The following WDR41 variants were observed in gnomAD, a reference collection of about 807,000 sequenced individuals.
WDR41 encodes the protein WD repeat domain 41.
WDR41 carries 63 observed loss-of-function variants against 69.3 expected under a neutral mutation model. The ratio of observed to expected loss-of-function variants is 0.91; its 90% CI spans 0.74 to 1.12. The LOEUF is 1.12. Ranked by LOEUF, WDR41 falls within the 50% of genes most tolerant of loss-of-function variation. WDR41 has a pLI of 0.00. For missense variants in WDR41, 543 were observed against 534.5 expected, an observed-to-expected ratio of 1.02 and a Z score of -0.16; for synonymous variants, 185 against 192.1, an observed-to-expected ratio of 0.96 and a Z score of 0.31.
chr5:77,590,354 A>G lies in WDR41; in HGVS notation c.42+30125T>C, dbSNP rs1744114155. On this transcript the variant is annotated intron_variant, in intron 1 of 5. Transcript: ENST00000509971. ...CACATGACTGAGCATATAACACCCA[A>G]CAGGATGTAGAGGAAACACATCGGA... Among the ~76,000 whole-genome samples the G allele has an allele frequency of 2.0e-5, 3 of 152,310 alleles. No homozygotes were observed. In the South Asian group the frequency reaches 6.2e-4, roughly 32 times the overall value.
intron 1 of WDR41, among the ~76,000 whole-genome samples, chr5:77,521,530 C>CA (rs1802370481): frequency 6.6e-6 from 1 of 152,224 alleles, no homozygotes; most frequent in South Asian, 2.1e-4. Context: ...TACCAAAACT[C>CA]AAACATTAAT....
chr5:77,496,674 T>C (rs1334056655), upstream of WDR41, among the ~76,000 whole-genome samples: 1 of 152,098 alleles, frequency 6.6e-6, no homozygotes, highest in Non-Finnish European at 1.5e-5. Flanking sequence ...ATTGTTAAGA[T>C]ATAAATACTT....
rs564438202 is a variant in WDR41 at position 77,442,817 on chromosome 5, G to A, written c.698-1820C>T. On this transcript the variant is annotated intron_variant, in intron 8 of 12. Transcript: ENST00000296679. The stretch of plus-strand genomic sequence containing the variant: ...TGAGGCAGGAGAATGACGTGAACCC[G>A]GGAGGCGGAGCTTGCAGTAAGCCGA... Among the ~76,000 whole-genome samples, 661 of 138,894 alleles carry A rather than the reference G, an allele frequency of 4.8e-3. 8 individuals are homozygous for A. The highest frequency in any genetic ancestry group is 0.017 in the African/African-American group (633 of 36,346). The allele number at this position is 138,894 out of a possible 152,430, so 91.1% of individuals were successfully genotyped here.
intron 1 of WDR41, chr5:77,545,560 A>G (rs1488616875): frequency 7.4e-6 from 2 of 269,478 alleles, no homozygotes; most frequent in Non-Finnish European, 7.1e-6. Context: ...TTGGATGCCC[A>G]TCACCAAGCT....
intron 2 of WDR41, among the ~76,000 whole-genome samples, chr5:77,468,972 A>C (rs1800429946): frequency 6.6e-6 from 1 of 152,040 alleles, no homozygotes; most frequent in African/African-American, 2.4e-5. Context: ...TTGTTGAAAA[A>C]AGTTGTCTCT....
chr5:77,595,438 C>T (rs1744210241), intron 1 of WDR41, among the ~76,000 whole-genome samples: 2 of 152,150 alleles, frequency 1.3e-5, no homozygotes, highest in South Asian at 4.1e-4. Flanking sequence ...CTGTTCAAGA[C>T]CCTTGTTTCC....
intron 1 of WDR41, among the ~76,000 whole-genome samples, chr5:77,554,515 A>T (rs1358620173): frequency 6.6e-6 from 1 of 152,078 alleles, no homozygotes; most frequent in East Asian, 1.9e-4. Context: ...TTTCTAGGAG[A>T]CAGGCCCTCT....
intron 1 of WDR41, among the ~76,000 whole-genome samples, chr5:77,603,542 T>A (rs1172117692): frequency 3.3e-5 from 5 of 152,242 alleles, no homozygotes; most frequent in Non-Finnish European, 5.9e-5. Flanking sequence ...CACTGTTGAT[T>A]GTTTCTGTTG....
chr5:77,540,410 G>C (rs10076883), intron 1 of WDR41: 69,946 of 152,022 alleles, frequency 0.46, 16,445 homozygotes, highest in South Asian at 0.54. Context: ...CCCAAGTAAC[G>C]TAATGATCCT....
intron 1 of WDR41, among the ~76,000 whole-genome samples, chr5:77,576,088 C>A (rs1475111432): frequency 3.3e-5 from 5 of 152,166 alleles, no homozygotes; most frequent in Admixed American, 3.3e-4. Context: ...TGTTGTAATA[C>A]TTCATAGCAT....
At chr5:77,444,191 A>G (rs979523829) in intron 8 of WDR41, among the ~76,000 whole-genome samples, 2 of 152,050 alleles carry the variant, frequency 1.3e-5, no homozygotes, top group African/African-American at 4.8e-5. Flanking sequence ...ATCAGCACAT[A>G]TTTTTAAGCA....
chr5:77,616,047 T>A (rs1314801830), intron 1 of WDR41, among the ~76,000 whole-genome samples: 1 of 151,134 alleles, frequency 6.6e-6, no homozygotes, highest in East Asian at 1.9e-4. Flanking sequence ...ACTGCAAGTC[T>A]CCAAAGTAAA....
At chr5:77,582,721 C>T in intron 1 of WDR41, 1 of 1,591,344 alleles carries the variant, frequency 6.3e-7, no homozygotes, top group South Asian at 1.1e-5. Flanking sequence ...TCGCCTTCGT[C>T]AAATCTTCAA....
At chr5:77,469,811 C>T (rs1275134814) in intron 2 of WDR41, among the ~76,000 whole-genome samples, 3 of 152,248 alleles carry the variant, frequency 2.0e-5, no homozygotes, top group East Asian at 1.9e-4. Flanking sequence ...ATTGGTGTAA[C>T]TGAAAGTGAC....
chr5:77,433,344 T>C, intron 12 of WDR41, 57 bp from the exon 13 acceptor site: 3 of 1,528,886 alleles, frequency 2.0e-6, no homozygotes, highest in Non-Finnish European at 2.7e-6. Context: ...AAGTGTCTAA[T>C]ACCACATTAA....
At chr5:77,583,024 C>A (rs1039790233) in intron 1 of WDR41, 35 of 1,598,388 alleles carry the variant, frequency 2.2e-5, no homozygotes, top group Non-Finnish European at 3.0e-5. Context: ...GTCTTCTCCA[C>A]GAGGTGGAAT....
At chr5:77,540,169 A>T (rs1430048151) in intron 1 of WDR41, among the ~76,000 whole-genome samples, 1 of 152,204 alleles carries the variant, frequency 6.6e-6, no homozygotes, top group African/African-American at 2.4e-5. Flanking sequence ...GTAAAGCGAG[A>T]GGGTGTCAAA....
rs538860064 is a variant in WDR41, at chr5:77,485,290, C to T, written c.167+4167G>A. ...CCCAGATCCTAGGATCTAAACTATA[C>T]TGATTTCTGTTCTCTGAAGGTTAGT... On this transcript the variant is annotated intron_variant, in intron 2 of 12. Coordinates refer to ENST00000296679, the MANE Select transcript of WDR41 (RefSeq NM_018268.4). 3.9e-5 allele frequency among the ~76,000 whole-genome samples: 6 copies of T among 152,292 alleles called. No homozygotes were observed. In the East Asian group the frequency reaches 1.2e-3, roughly 29 times the overall value.
At position 77,490,912 on chromosome 5, in the gene WDR41, G is replaced by C. The variant is rs541083743; in HGVS notation, c.51+1258C>G. 4.6e-5 allele frequency among the ~76,000 whole-genome samples: 7 copies of C among 152,308 alleles called. No individual in the cohort carries two copies. The South Asian group carries it at 1.5e-3, about 32-fold the overall frequency. ...GCAAAGACATGCGGAAGTTAAAATT[G>C]AGAAGACTGCCTACTCTCAACAATC... On this transcript the variant is annotated intron_variant, in intron 1 of 12. Transcript: ENST00000296679.
Sources: gnomAD v4.1 joint callset for allele counts (sites outside exome capture counted in the v4.1 genomes callset) on GRCh38, gnomAD v4.1.1 for gene constraint, MANE v1.5 for transcripts, NCBI Gene and HGNC (gene_info 2026-07-23, HGNC 2026-07-21) for gene names.